LRBA: variants seen among roughly 807,000 people sequenced by gnomAD.
LRBA encodes the protein lipopolysaccharide-responsive and beige-like anchor protein.
LRBA carries 176 observed loss-of-function variants against 330.0 expected under a neutral mutation model. The ratio of observed to expected loss-of-function variants is 0.53; its 90% CI spans 0.47 to 0.60. The LOEUF (loss-of-function observed/expected upper bound fraction) is 0.60, where lower values mean the gene tolerates loss of function less well. Among genes scored for constraint, LRBA ranks in the 20% least tolerant of loss-of-function variants. The pLI is 0.00. For synonymous variants in LRBA, 1,230 were observed against 1,193.0 expected, an observed-to-expected ratio of 1.03 and a Z score of -0.64; for missense variants, 3,259 against 3,444.8, an observed-to-expected ratio of 0.95 and a Z score of 1.35.
intron 36 of LRBA, among the ~76,000 whole-genome samples, chr4:150,684,438 C>T (rs1783344873): frequency 6.6e-6 from 1 of 152,096 alleles, no homozygotes; most frequent in South Asian, 2.1e-4. Context: ...TCTCAGGCCC[C>T]ACCCCAAATC....
intron 33 of LRBA, among the ~76,000 whole-genome samples, chr4:150,800,886 A>C (rs1311816352): frequency 6.6e-6 from 1 of 152,198 alleles, no homozygotes; most frequent in Non-Finnish European, 1.5e-5. Context: ...TTATATCTGC[A>C]CTAATCTGGA....
chr4:150,505,654 C>A (rs1760965316), intron 40 of LRBA, among the ~76,000 whole-genome samples: 1 of 152,262 alleles, frequency 6.6e-6, no homozygotes, highest in Admixed American at 6.5e-5. Context: ...CACACCCTAA[C>A]ATCACAATTA....
intron 40 of LRBA, among the ~76,000 whole-genome samples, chr4:150,508,249 G>T (rs1012738975): frequency 7.4e-6 from 1 of 136,030 alleles, no homozygotes; most frequent in Non-Finnish European, 1.6e-5. Flanking sequence ...AAGGGGGGGG[G>T]GGGGAGAAAA....
intron 48 of LRBA, among the ~76,000 whole-genome samples, chr4:150,332,245 T>C (rs1734091195): frequency 6.6e-6 from 1 of 152,130 alleles, no homozygotes; most frequent in Admixed American, 6.6e-5. Flanking sequence ...TAAACCCTTG[T>C]ATATATTTTC....
At chr4:150,501,644 C>T (rs1452287088) in intron 40 of LRBA, among the ~76,000 whole-genome samples, 1 of 151,662 alleles carries the variant, frequency 6.6e-6, no homozygotes, top group African/African-American at 2.4e-5. Context: ...TCTGGGAACA[C>T]ATGAACATAA....
chr4:150,828,118 C>T (rs1746544316), intron 30 of LRBA, 62 bp downstream of exon 30: 11 of 1,493,504 alleles, frequency 7.4e-6, no homozygotes, highest in Non-Finnish European at 1.0e-5. Flanking sequence ...TCATCCCTAA[C>T]CCCCATGTTG....
chr4:150,380,245 G>T (rs985938228), intron 47 of LRBA, among the ~76,000 whole-genome samples: 6 of 151,858 alleles, frequency 4.0e-5, no homozygotes, highest in Non-Finnish European at 7.4e-5. Context: ...ACTCCTCAAT[G>T]GCGCAGGGTC....
chr4:150,565,431 G>A (rs1366514097), intron 40 of LRBA, among the ~76,000 whole-genome samples: 1 of 151,994 alleles, frequency 6.6e-6, no homozygotes, highest in Non-Finnish European at 1.5e-5. Flanking sequence ...GATGGGTGCT[G>A]CAAACCACCA....
At chr4:150,655,395 C>A (rs1485201880) in intron 37 of LRBA, among the ~76,000 whole-genome samples, 1 of 152,086 alleles carries the variant, frequency 6.6e-6, no homozygotes, top group Non-Finnish European at 1.5e-5. Flanking sequence ...CCTTTTTAGA[C>A]TTTTGCTATT....
chr4:150,372,622 T>C (rs887116264), intron 47 of LRBA, among the ~76,000 whole-genome samples: 1 of 149,088 alleles, frequency 6.7e-6, no homozygotes, highest in Non-Finnish European at 1.5e-5. Flanking sequence ...AGTCATAGCC[T>C]GGGTAAAATG....
intron 29 of LRBA, among the ~76,000 whole-genome samples, chr4:150,831,360 T>C (rs531453167): frequency 1.3e-5 from 2 of 152,224 alleles, no homozygotes; most frequent in African/African-American, 4.8e-5. Flanking sequence ...AAGTATCCAG[T>C]AGATATTGAA....
rs114371228 is a variant in LRBA, at chr4:150,357,871, C to T, written c.7195-7712G>A. ...AAACTATGCCATGAAATTTCAAATA[C>T]TTGTTTTAACAAATCTATATATGCT... On this transcript the variant is annotated intron_variant, in intron 47 of 56. Transcript: ENST00000651943. Among the ~76,000 whole-genome samples, 1,003 of 152,164 alleles carry T rather than the reference C, an allele frequency of 6.6e-3. 9 individuals are homozygous for T. The highest frequency in any genetic ancestry group is 0.023 in the African/African-American group (960 of 41,544).
At chr4:150,744,563 T>C (rs1195278685) in intron 35 of LRBA, among the ~76,000 whole-genome samples, 1 of 152,258 alleles carries the variant, frequency 6.6e-6, no homozygotes. Flanking sequence ...TCTTTTAACA[T>C]TTTTGTGCCT....
chr4:150,454,151 G>A (rs1753750016), intron 44 of LRBA, among the ~76,000 whole-genome samples: 1 of 151,990 alleles, frequency 6.6e-6, no homozygotes, highest in African/African-American at 2.4e-5. Context: ...AGTAGAGACA[G>A]GGTTTTACCA....
At chr4:150,733,572 TCTCTCACA>T (rs1000242113) in intron 36 of LRBA, among the ~76,000 whole-genome samples, 13 of 53,276 alleles carry the variant, frequency 2.4e-4, no homozygotes, top group African/African-American at 3.7e-4. Context: ...TCTCTCTCTC[TCTCTCACA>T]CACACACACA....
At chr4:150,336,320 T>A (rs1734727200) in intron 48 of LRBA, among the ~76,000 whole-genome samples, 1 of 152,230 alleles carries the variant, frequency 6.6e-6, no homozygotes, top group African/African-American at 2.4e-5. Context: ...GTTTACTTTT[T>A]TAACTTATCT....
chr4:150,712,200 C>A (rs1786288904), intron 36 of LRBA, among the ~76,000 whole-genome samples: 1 of 152,172 alleles, frequency 6.6e-6, no homozygotes, highest in South Asian at 2.1e-4. Flanking sequence ...CCACCTGGCT[C>A]ATGGGTTATT....
chr4:150,622,274 A>G (rs1013544926), intron 37 of LRBA, among the ~76,000 whole-genome samples: 2 of 145,886 alleles, frequency 1.4e-5, no homozygotes, highest in Non-Finnish European at 3.1e-5. Flanking sequence ...TAAAAGACAG[A>G]TCATGTGTAA....
chr4:150,655,886 G>A (rs560609031), intron 37 of LRBA, among the ~76,000 whole-genome samples: 1 of 152,220 alleles, frequency 6.6e-6, no homozygotes, highest in South Asian at 2.1e-4. Context: ...CTTTCCAAAG[G>A]TTCTATATTA....
Sources: gnomAD v4.1 joint callset for allele counts (sites outside exome capture counted in the v4.1 genomes callset) on GRCh38, gnomAD v4.1.1 for gene constraint, MANE v1.5 for transcripts, NCBI Gene and HGNC (gene_info 2026-07-23, HGNC 2026-07-21) for gene names.